The following ABI3BP variants were observed in gnomAD, a reference collection of about 807,000 sequenced individuals.
ABI3BP encodes the protein target of Nesh-SH3.
In ABI3BP, 216 loss-of-function variants were observed where a neutral mutation model predicts 268.6. That is an observed-to-expected ratio of 0.80 (90% CI 0.72 to 0.90). The LOEUF (loss-of-function observed/expected upper bound fraction) is 0.90, where lower values mean the gene tolerates loss of function less well. Among genes scored for constraint, ABI3BP ranks in the 40% least tolerant of loss-of-function variants. ABI3BP has a pLI of 0.00. For missense variants in ABI3BP, 2,090 were observed against 2,182.4 expected (o/e 0.96, Z 0.84); for synonymous variants, 730 against 730.0 (o/e 1.00, Z 0.00).
At chr3:100,811,332 C>A in intron 47 of ABI3BP, 55 bp from the exon 48 acceptor site, 1 of 1,307,424 alleles carries the variant, frequency 7.6e-7, no homozygotes, top group East Asian at 2.5e-5. Context: ...TAAGCTATAG[C>A]ATTTTTTTGA....
At chr3:100,751,747 T>TA in intron 66 of ABI3BP, 73 bp from the exon 67 acceptor site, 1 of 1,422,600 alleles carries the variant, frequency 7.0e-7, no homozygotes, top group Non-Finnish European at 9.4e-7. Context: ...AAATCATCAT[T>TA]ACTGTTTTTG....
chr3:100,911,671 C>G, intron 2 of ABI3BP: 1 of 740,498 alleles, frequency 1.4e-6, no homozygotes, highest in Non-Finnish European at 2.5e-6. Flanking sequence ...CCTAGTTGTT[C>G]AGAAATATCC....
At chr3:100,789,365 G>A (rs973760358) in intron 56 of ABI3BP, 89 bp downstream of exon 56, 1 of 1,246,300 alleles carries the variant, frequency 8.0e-7, no homozygotes, top group Non-Finnish European at 1.1e-6. Flanking sequence ...GCAATGTAAG[G>A]GTTCCCCTTT....
intron 21 of ABI3BP, 56 bp from the exon 22 acceptor site, chr3:100,840,914 A>T: frequency 7.2e-7 from 1 of 1,396,062 alleles, no homozygotes; most frequent in Non-Finnish European, 9.8e-7. Flanking sequence ...GAAAAATGAC[A>T]TGTATTTAAA....
rs766751628 is a variant in ABI3BP, at chr3:100,846,339, T to G, written c.1723+33A>C. 1.5e-5 allele frequency: 22 copies of G among 1,447,926 alleles called. No homozygotes were observed. The South Asian group carries it at 2.8e-4, about 19-fold the overall frequency. The allele number at this position is 1,447,926 out of a possible 1,614,324, so 89.7% of individuals were successfully genotyped here. A position where few individuals can be genotyped will look rare whatever the true frequency, so the allele number is the denominator to read the frequency against. On this transcript the variant is annotated intron_variant, in intron 20 of 67. Transcript: ENST00000471714. Reference sequence around the variant, plus strand: ...CAAAGAACTTGTTTTCAACCCCACTTTTGGAATATTCAAAAAAGTTTAGGG... The same window carrying G: ...CAAAGAACTTGTTTTCAACCCCACTGTTGGAATATTCAAAAAAGTTTAGGG...
chr3:100,786,632 C>T (rs2097054421), intron 57 of ABI3BP, among the ~76,000 whole-genome samples: 1 of 152,108 alleles, frequency 6.6e-6, no homozygotes, highest in South Asian at 2.1e-4. Flanking sequence ...GAATATTAAA[C>T]AATTTGTACC....
At chr3:100,801,927 G>A (rs926419822) in intron 51 of ABI3BP, among the ~76,000 whole-genome samples, 1 of 152,050 alleles carries the variant, frequency 6.6e-6, no homozygotes, top group African/African-American at 2.4e-5. Flanking sequence ...AATTCTAAAC[G>A]TATTGTCTTC....
Position 100,828,993 on chromosome 3 carries a change from C to A in ABI3BP, c.2543-541G>T, listed in dbSNP as rs376973416. Among the ~76,000 whole-genome samples, 23 of 152,238 alleles carry A rather than the reference C, an allele frequency of 1.5e-4. No homozygotes were observed. In the South Asian group the frequency reaches 4.6e-3, roughly 30 times the overall value. On this transcript the variant is annotated intron_variant, in intron 33 of 67. Coordinates refer to ENST00000471714, the MANE Select transcript of ABI3BP (RefSeq NM_001375547.2). ...AGACACCTCAACGAAATGTTCTGAT[C>A]AACACCTAGAAGCCTGACAGCCTCC...
At position 100,837,180 on chromosome 3, in the gene ABI3BP, TA is replaced by T; in HGVS notation, c.2084-10del. 1 of 1,532,342 alleles carries T rather than the reference TA, an allele frequency of 6.5e-7. No homozygotes were observed. Among genetic ancestry groups the T allele is most frequent in the Non-Finnish European group, 8.7e-7 (1 of 1,145,038 alleles). 94.9% of individuals were successfully genotyped at this position (1,532,342 alleles called of 1,614,324 possible). ...TGGAACAGGCTCAGAGACTGCATCA[TA>T]AAAAATAAACAGATATAAGTAATAA... On this transcript the variant is annotated splice_polypyrimidine_tract_variant and intron_variant, in intron 26 of 67. Transcript: ENST00000471714.
intron 2 of ABI3BP, among the ~76,000 whole-genome samples, chr3:100,909,716 C>G (rs1400262681): frequency 2.6e-5 from 4 of 152,120 alleles, no homozygotes; most frequent in South Asian, 2.1e-4. Context: ...AAACCACAAT[C>G]AGATACCATC....
At chr3:100,770,690 G>C in intron 62 of ABI3BP, 53 bp downstream of exon 62, 1 of 1,389,366 alleles carries the variant, frequency 7.2e-7, no homozygotes, top group Non-Finnish European at 9.4e-7. Context: ...CACTCCCAGG[G>C]TATCTTGTTA....
chr3:100,981,496 A>T (rs1562274723), intron 1 of ABI3BP, among the ~76,000 whole-genome samples: 1 of 152,194 alleles, frequency 6.6e-6, no homozygotes, highest in African/African-American at 2.4e-5. Context: ...GCAGAAAAAG[A>T]GTCACACAAT....
intron 1 of ABI3BP, among the ~76,000 whole-genome samples, chr3:100,935,029 G>GAC (rs1193637508): frequency 1.3e-5 from 2 of 152,108 alleles, no homozygotes; most frequent in East Asian, 1.9e-4. Context: ...TGCTTTTGGT[G>GAC]TTTTAGTCAT....
At chr3:100,763,750 G>T (rs547336314) in intron 63 of ABI3BP, among the ~76,000 whole-genome samples, 1 of 152,294 alleles carries the variant, frequency 6.6e-6, no homozygotes, top group African/African-American at 2.4e-5. Flanking sequence ...TCTTAGCCCT[G>T]GGGCACTTTT....
At chr3:100,829,521 C>A (rs919189940) in intron 33 of ABI3BP, 60 bp downstream of exon 33, 3 of 1,438,242 alleles carry the variant, frequency 2.1e-6, no homozygotes, top group Non-Finnish European at 2.8e-6. Flanking sequence ...CTACTTCATT[C>A]TCTTTGGGTC....
chr3:100,774,142 T>A (rs2150057395), intron 61 of ABI3BP, among the ~76,000 whole-genome samples: 1 of 152,340 alleles, frequency 6.6e-6, no homozygotes, highest in Admixed American at 6.5e-5. Flanking sequence ...AAAACTATTC[T>A]TTATGTCCAC....
At chr3:100,774,097 T>TA in intron 61 of ABI3BP, among the ~76,000 whole-genome samples, 1 of 152,206 alleles carries the variant, frequency 6.6e-6, no homozygotes, top group Non-Finnish European at 1.5e-5. Flanking sequence ...CTCTATGTCA[T>TA]ATTGTATCTC....
chr3:100,953,056 AAATATACT>A (rs1251566400), intron 1 of ABI3BP, among the ~76,000 whole-genome samples: 1 of 152,116 alleles, frequency 6.6e-6, no homozygotes, highest in Admixed American at 6.5e-5. Flanking sequence ...TTCACTTTTC[AAATATACT>A]TCTTTCAAAC....
chr3:100,875,288 T>C (rs2099149701), intron 8 of ABI3BP, among the ~76,000 whole-genome samples: 1 of 152,208 alleles, frequency 6.6e-6, no homozygotes, highest in Non-Finnish European at 1.5e-5. Flanking sequence ...TCATTCCCAC[T>C]GCACATGTGC....
Sources: allele counts gnomAD v4.1 joint callset (sites outside exome capture counted in the v4.1 genomes callset), GRCh38; gene constraint gnomAD v4.1.1; transcripts MANE v1.5; gene names NCBI Gene and HGNC (gene_info 2026-07-23, HGNC 2026-07-21).